Variants in ABCF1 observed in about 807,000 individuals in gnomAD.
The protein encoded by ABCF1 is ATP binding cassette subfamily F member 1, also known as ATP-binding cassette sub-family F member 1.
Under a neutral mutation model 126.3 loss-of-function variants are expected in ABCF1, and 73 were observed. That is an observed-to-expected ratio of 0.58 (90% CI 0.48 to 0.70). The LOEUF is 0.70. ABCF1 is among the 30% of genes least tolerant of loss of function. The pLI is 0.00. For synonymous variants in ABCF1, 345 were observed against 396.4 expected, an observed-to-expected ratio of 0.87 and a Z score of 1.54; for missense variants, 786 against 1,057.5, an observed-to-expected ratio of 0.74 and a Z score of 3.56.
Position 30,584,052 on chromosome 6 carries a change from G to A in ABCF1, c.1103-140G>A. On this transcript the variant is annotated intron_variant, in intron 12 of 24. Transcript: ENST00000326195. The surrounding 1 kb of genome is among the most constrained non-coding windows in gnomAD (Gnocchi z 4.6). ...CTAAGGAAAGGAGGGGAGGGTCAAT[G>A]AGGAACTTGAGAGTGTTTTATTTGG... 7.1e-7 allele frequency: 1 copy of A among 1,407,950 alleles called. No individual in the cohort carries two copies. Among genetic ancestry groups the A allele is most frequent in the Non-Finnish European group, 9.6e-7 (1 of 1,036,854 alleles). The allele number at this position is 1,407,950 out of a possible 1,614,324, so 87.2% of individuals were successfully genotyped here.
intron 22 of ABCF1, 25 bp downstream of exon 22, chr6:30,589,999 G>C (rs1196709182): frequency 6.2e-7 from 1 of 1,610,354 alleles, no homozygotes; most frequent in African/African-American, 1.3e-5. Flanking sequence ...GCCAGGGAGG[G>C]TGCCCTTCAC....
chr6:30,584,433 C>T lies in ABCF1; in HGVS notation c.1258C>T (p.Arg420Trp), dbSNP rs868768673. The change falls in exon 14 of 25, where the codon CGG (arginine) becomes TGG (tryptophan). Residue 420 changes from arginine (R) to tryptophan (W), a missense_variant. Arg to Trp is a moderately radical substitution (Grantham distance 101, BLOSUM62 -3). Around this residue, in one of 4 missense-constraint regions of ABCF1, gnomAD observed 163 missense variants for 255.3 expected, o/e 0.64. Transcript: ENST00000326195. The surrounding 1 kb of genome is among the most constrained non-coding windows in gnomAD (Gnocchi z 4.6). ...ERLEKVYEEL[R>W]ATGAAAAEAK... ...CTCCTCCCAGGTGTATGAGGAATTG[C>T]GGGCCACTGGGGCGGCAGCTGCAGA... 7 of 1,612,986 alleles carry T rather than the reference C, an allele frequency of 4.3e-6. No individual in the cohort carries two copies. Among genetic ancestry groups the T allele is most frequent in the African/African-American group, 2.7e-5 (2 of 74,918 alleles).
At chr6:30,578,669 C>T (rs986901584) in intron 6 of ABCF1, 92 bp downstream of exon 6, 20 of 1,122,344 alleles carry the variant, frequency 1.8e-5, no homozygotes, top group African/African-American at 1.4e-4. Flanking sequence ...TAGCTCTTCT[C>T]GGTCTGTCTT....
chr6:30,583,640 G>T lies in ABCF1; in HGVS notation c.948G>T (p.Lys316Asn). 6.2e-7 allele frequency: 1 copy of T among 1,614,038 alleles called. No homozygotes were observed. The highest frequency in any genetic ancestry group is 1.1e-5 in the South Asian group (1 of 91,090). Residue 316 changes from lysine (K) to asparagine (N), a missense_variant, in exon 11 of 25, where the codon AAG becomes AAT. Coordinates refer to ENST00000326195, the MANE Select transcript of ABCF1 (RefSeq NM_001025091.2). This position sits in a 1 kb window ranked among gnomAD's most constrained non-coding sequence, Gnocchi z 4.1. Reference protein sequence around the residue: ...LEKFSISAHGKELFVNADLYI... With the variant: ...LEKFSISAHGNELFVNADLYI... The stretch of plus-strand genomic sequence containing the variant: ...AGTTCAGCATCTCCGCTCATGGCAA[G>T]GAGCTGTTCGTCAATGCAGACCTGT...
chr6:30,571,573 G>A lies in ABCF1; in HGVS notation c.73+13G>A. On this transcript the variant is annotated intron_variant, in intron 1 of 24. Coordinates refer to ENST00000326195, the MANE Select transcript of ABCF1 (RefSeq NM_001025091.2). ...ACGAGCCCATCAGGTGAGGCTGGTA[G>A]GCAAGGAAGAAACGAGCAGAGGGGG... 6.2e-7 allele frequency: 1 copy of A among 1,608,036 alleles called. No homozygotes were observed. Among genetic ancestry groups the A allele is most frequent in the Non-Finnish European group, 8.5e-7 (1 of 1,178,622 alleles).
Position 30,581,313 on chromosome 6 carries a change from G to C in ABCF1, c.678+794G>C, listed in dbSNP as rs550460181. Among the ~76,000 whole-genome samples the C allele has an allele frequency of 1.7e-4, 26 of 151,184 alleles. 1 individual carries two copies. The highest frequency in any genetic ancestry group is 3.1e-4 in the Non-Finnish European group (21 of 67,894). ...TGTGTGATAGAAGGAGGAGTCCGGA[G>C]ATCTCTAGGGTCCCTATGCGTCTGG... On this transcript the variant is annotated intron_variant, in intron 8 of 24. Coordinates refer to ENST00000326195, the MANE Select transcript of ABCF1 (RefSeq NM_001025091.2).
Position 30,574,210 on chromosome 6 carries a change from C to T in ABCF1, c.73+2650C>T, listed in dbSNP as rs1801387024. ...GGAGTGCAGTGGCGCGATCTCAGCT[C>T]ACTGCAGCCTCAATCGCAGGCTCAA... On this transcript the variant is annotated intron_variant, in intron 1 of 24. Coordinates refer to ENST00000326195, the MANE Select transcript of ABCF1 (RefSeq NM_001025091.2). The surrounding 1 kb of genome is among the most constrained non-coding windows in gnomAD (Gnocchi z 4.3). Among the ~76,000 whole-genome samples the T allele has an allele frequency of 6.6e-6, 1 of 151,736 alleles. No homozygotes were observed. Among genetic ancestry groups the T allele is most frequent in the Admixed American group, 6.6e-5 (1 of 15,246 alleles).
intron 20 of ABCF1, among the ~76,000 whole-genome samples, chr6:30,588,497 G>A (rs182461053): frequency 1.3e-3 from 196 of 152,130 alleles, no homozygotes; most frequent in African/African-American, 4.5e-3. Context: ...GAGTAGCTGG[G>A]ACAACAGGCG....
chr6:30,585,195 C>T, intron 14 of ABCF1, 65 bp from the exon 15 acceptor site: 1 of 1,436,098 alleles, frequency 7.0e-7, no homozygotes, highest in Non-Finnish European at 9.8e-7. Context: ...TCCGAGTTTT[C>T]TCTGGGGTTG....
chr6:30,590,650 G>A lies in ABCF1; in HGVS notation c.2487G>A (p.Arg829=), dbSNP rs773057699. Residue 829 remains arginine, a synonymous_variant, in exon 25 of 25, where the codon CGG becomes CGA. Coordinates refer to ENST00000326195, the MANE Select transcript of ABCF1 (RefSeq NM_001025091.2). ...QIDGDFEDYK[R]EVLEALGEVM... ...ATGGTGACTTTGAAGACTACAAGCG[G>A]GAGGTGTTGGAGGCCCTGGGTGAAG... 2.5e-6 allele frequency: 4 copies of A among 1,612,598 alleles called. No homozygotes were observed. Among genetic ancestry groups the A allele is most frequent in the Non-Finnish European group, 3.4e-6 (4 of 1,179,914 alleles).
intron 24 of ABCF1, 36 bp from the exon 25 acceptor site, chr6:30,590,499 C>A: frequency 6.3e-7 from 1 of 1,593,470 alleles, no homozygotes; most frequent in Non-Finnish European, 8.5e-7. Context: ...TTTCTCCTTT[C>A]TTCCTGCCCT....
chr6:30,578,242 A>C (rs1801614242), intron 4 of ABCF1, 40 bp downstream of exon 4: 1 of 1,613,348 alleles, frequency 6.2e-7, no homozygotes, highest in Non-Finnish European at 8.5e-7. Flanking sequence ...GGAATCCATG[A>C]GTCATGGAGA....
chr6:30,583,960 A>G lies in ABCF1; in HGVS notation c.1102+70A>G. 6.5e-7 allele frequency: 1 copy of G among 1,550,132 alleles called. No homozygotes were observed. The highest frequency in any genetic ancestry group is 8.9e-7 in the Non-Finnish European group (1 of 1,127,350). ...GGGTAGAAAAGCCAGCCAGCCAAGA[A>G]TAGAAGAAATTGTGGCTATGGAGTT... On this transcript the variant is annotated intron_variant, in intron 12 of 24. Coordinates refer to ENST00000326195, the MANE Select transcript of ABCF1 (RefSeq NM_001025091.2). This position sits in a 1 kb window ranked among gnomAD's most constrained non-coding sequence, Gnocchi z 4.1.
chr6:30,580,628 T>C (rs1338581620), intron 8 of ABCF1, 109 bp downstream of exon 8: 2 of 693,848 alleles, frequency 2.9e-6, no homozygotes, highest in East Asian at 6.8e-5. Context: ...AAACCTTTAT[T>C]CTTTTCTTTT....
chr6:30,582,726 C>T (rs1801889957), intron 9 of ABCF1, among the ~76,000 whole-genome samples: 1 of 152,074 alleles, frequency 6.6e-6, no homozygotes, highest in Non-Finnish European at 1.5e-5. Flanking sequence ...CAGGGTCTCA[C>T]ACTGTTACTC....
rs748905047 is a variant in ABCF1, at chr6:30,571,468, T to G, written c.-20T>G. ...GAAATAGCACCGGGCGCCGCCACAG[T>G]AGCTGTAACTGCCACCGCGATGCCG... On this transcript the variant is annotated 5_prime_UTR_variant, in exon 1 of 25. Transcript: ENST00000326195. 8 of 1,605,404 alleles carry G rather than the reference T, an allele frequency of 5.0e-6. No individual in the cohort carries two copies. The East Asian group carries it at 1.8e-4, about 36-fold the overall frequency.
chr6:30,582,184 G>A (rs948291529), intron 8 of ABCF1, among the ~76,000 whole-genome samples: 2 of 151,974 alleles, frequency 1.3e-5, no homozygotes, highest in African/African-American at 4.8e-5. Flanking sequence ...AGCCTCCCGA[G>A]TAGCTGGGAC....
At chr6:30,582,568 C>A in intron 9 of ABCF1, 61 bp downstream of exon 9, 1 of 1,556,758 alleles carries the variant, frequency 6.4e-7, no homozygotes. Context: ...AACTAGGGGA[C>A]ATGCGATTGG....
rs542422641 is a variant in ABCF1, at chr6:30,584,521, C to T, written c.1346C>T (p.Thr449Ile). Residue 449 changes from threonine to isoleucine, a missense_variant, in exon 14 of 25, where the codon ACA becomes ATA. This residue lies in a region of ABCF1 where 163 missense variants were observed against 255.3 expected (regional missense o/e 0.64). Transcript: ENST00000326195. The surrounding 1 kb of genome is among the most constrained non-coding windows in gnomAD (Gnocchi z 4.6). ...GACCCTGAAATGCAGAATCGACCCA[C>T]ACAGAAGTTCTCAGGGGGCTGGCGC... is the stretch of plus-strand genomic sequence containing the variant. ...GFDPEMQNRP[T>I]QKFSGGWRMR... 22 of 1,612,296 alleles carry T rather than the reference C, an allele frequency of 1.4e-5. No individual in the cohort carries two copies. In the East Asian group the frequency reaches 4.5e-4, roughly 33 times the overall value.
Sources: gnomAD v4.1 joint callset for allele counts (sites outside exome capture counted in the v4.1 genomes callset) on GRCh38, gnomAD v4.1.1 for gene constraint, gnomAD v4.1.1 regional missense constraint, Gnocchi (gnomAD v3.1) non-coding constraint, MANE v1.5 for transcripts, NCBI Gene and HGNC (gene_info 2026-07-23, HGNC 2026-07-21) for gene names.